Variants in SLC9A2 observed in about 807,000 individuals in gnomAD.
SLC9A2 encodes the protein solute carrier family 9 member A2.
In SLC9A2, 42 loss-of-function variants were observed where a neutral mutation model predicts 71.7. The observed-to-expected ratio is 0.59, with a 90% confidence interval of 0.46 to 0.76. The LOEUF (loss-of-function observed/expected upper bound fraction) is 0.76, where lower values mean the gene tolerates loss of function less well. Among genes scored for constraint, SLC9A2 ranks in the 30% least tolerant of loss-of-function variants. SLC9A2 has a pLI of 0.00. For missense variants in SLC9A2, 829 were observed against 1,017.4 expected (o/e 0.81, Z 2.52); for synonymous variants, 396 against 392.5 (o/e 1.01, Z -0.10).
intron 4 of SLC9A2, 68 bp from the exon 5 acceptor site, chr2:102,684,066 T>G (rs1209396781): frequency 1.8e-6 from 2 of 1,137,904 alleles, no homozygotes; most frequent in Non-Finnish European, 2.6e-6. Flanking sequence ...GCACAGAAAA[T>G]GAGTCTATGT....
chr2:102,671,356 G>A (rs1677249314), intron 3 of SLC9A2, among the ~76,000 whole-genome samples: 1 of 152,180 alleles, frequency 6.6e-6, no homozygotes, highest in African/African-American at 2.4e-5. Context: ...ACATAAATAA[G>A]CCTGGGGTGG....
At chr2:102,633,440 G>C (rs1375422687) in intron 1 of SLC9A2, among the ~76,000 whole-genome samples, 1 of 152,120 alleles carries the variant, frequency 6.6e-6, no homozygotes, top group Non-Finnish European at 1.5e-5. Flanking sequence ...TGCATTTGAG[G>C]CTCATGCTTG....
intron 5 of SLC9A2, among the ~76,000 whole-genome samples, chr2:102,690,887 A>G (rs759359080): frequency 2.7e-5 from 4 of 150,790 alleles, no homozygotes; most frequent in Non-Finnish European, 5.9e-5. Flanking sequence ...GCAAGGAAAT[A>G]TAAGTTTCTC....
intron 9 of SLC9A2, among the ~76,000 whole-genome samples, chr2:102,702,954 G>A (rs1677902496): frequency 6.6e-6 from 1 of 152,196 alleles, no homozygotes; most frequent in Non-Finnish European, 1.5e-5. Flanking sequence ...AGAGTAGAGA[G>A]TGTCCTCAAT....
intron 3 of SLC9A2, among the ~76,000 whole-genome samples, chr2:102,676,922 T>C (rs540387237): frequency 1.3e-5 from 2 of 152,362 alleles, no homozygotes; most frequent in African/African-American, 4.8e-5. Context: ...GGTGATACTT[T>C]CCTGCAATTG....
intron 3 of SLC9A2, among the ~76,000 whole-genome samples, chr2:102,676,712 ATAATT>A (rs1262567773): frequency 6.6e-6 from 1 of 152,212 alleles, no homozygotes; most frequent in Non-Finnish European, 1.5e-5. Context: ...ATGCCCTGGA[ATAATT>A]TAATTTACTT....
At chr2:102,674,684 G>T (rs1413689306) in intron 3 of SLC9A2, among the ~76,000 whole-genome samples, 4 of 152,224 alleles carry the variant, frequency 2.6e-5, no homozygotes, top group African/African-American at 9.6e-5. Context: ...AATGAAGGAA[G>T]CCAAACTCAA....
In SLC9A2 at chr2:102,641,393, C is replaced by T. The variant is rs1041025977; in HGVS notation, c.290-16171C>T. Among the ~76,000 whole-genome samples, 5 of 152,034 alleles carry T rather than the reference C, an allele frequency of 3.3e-5. No homozygotes were observed. In the East Asian group the frequency reaches 5.8e-4, roughly 18 times the overall value. On this transcript the variant is annotated intron_variant, in intron 1 of 11. Transcript: ENST00000233969. Reference sequence around the variant, plus strand: ...GGATGACAGGTCCCAGAACACATCACCCTTTCCCTCTTTTTGGATTTCATG... The same window carrying T: ...GGATGACAGGTCCCAGAACACATCATCCTTTCCCTCTTTTTGGATTTCATG...
At chr2:102,632,239 CATAT>C (rs369483748) in intron 1 of SLC9A2, among the ~76,000 whole-genome samples, 5 of 136,078 alleles carry the variant, frequency 3.7e-5, no homozygotes, top group African/African-American at 5.5e-5. Context: ...ATATATAATA[CATAT>C]ATATATATAT....
chr2:102,649,560 G>T (rs1290484429), intron 1 of SLC9A2, among the ~76,000 whole-genome samples: 1 of 152,100 alleles, frequency 6.6e-6, no homozygotes, highest in Non-Finnish European at 1.5e-5. Flanking sequence ...GAAAATTTTT[G>T]CAGTCTCTCC....
At chr2:102,673,026 CA>C (rs58430032) in intron 3 of SLC9A2, among the ~76,000 whole-genome samples, 5 of 148,374 alleles carry the variant, frequency 3.4e-5, no homozygotes, top group Non-Finnish European at 4.5e-5. Flanking sequence ...CTGATGGAGG[CA>C]AAAAAAAATC....
intron 7 of SLC9A2, among the ~76,000 whole-genome samples, chr2:102,699,949 G>A (rs1558724463): frequency 1.3e-5 from 2 of 152,036 alleles, no homozygotes; most frequent in Non-Finnish European, 2.9e-5. Flanking sequence ...CATTTTGATG[G>A]CCTCAACTTA....
chr2:102,703,344 C>T (rs1278787591), intron 9 of SLC9A2, among the ~76,000 whole-genome samples: 1 of 152,166 alleles, frequency 6.6e-6, no homozygotes, highest in Non-Finnish European at 1.5e-5. Flanking sequence ...CTGCCTCACC[C>T]ATCTGCTCCC....
At chr2:102,649,764 G>A (rs970907334) in intron 1 of SLC9A2, among the ~76,000 whole-genome samples, 5 of 151,872 alleles carry the variant, frequency 3.3e-5, no homozygotes, top group African/African-American at 9.7e-5. Flanking sequence ...TCAAAACCCC[G>A]AGATACCATC....
chr2:102,672,360 T>G (rs1677269188), intron 3 of SLC9A2, among the ~76,000 whole-genome samples: 1 of 94,328 alleles, frequency 1.1e-5, no homozygotes, highest in African/African-American at 3.8e-5. Flanking sequence ...TATTAGACAC[T>G]GTTGTTCTGT....
chr2:102,671,843 C>T (rs6715147), intron 3 of SLC9A2, among the ~76,000 whole-genome samples: 23 of 152,264 alleles, frequency 1.5e-4, no homozygotes, highest in African/African-American at 4.8e-4. Context: ...TGGTGGCTCA[C>T]GCTTGCAATC....
At chr2:102,638,305 A>G (rs1306220400) in intron 1 of SLC9A2, among the ~76,000 whole-genome samples, 5 of 152,240 alleles carry the variant, frequency 3.3e-5, no homozygotes, top group Non-Finnish European at 7.3e-5. Context: ...AATATGTTTT[A>G]TAGTCAAGTT....
intron 2 of SLC9A2, among the ~76,000 whole-genome samples, chr2:102,661,469 T>C (rs542908081): frequency 1.6e-3 from 250 of 152,334 alleles, no homozygotes; most frequent in Non-Finnish European, 2.8e-3. Flanking sequence ...TAAAATTTCA[T>C]ATGCAAAATG....
intron 1 of SLC9A2, among the ~76,000 whole-genome samples, chr2:102,653,862 G>A (rs555641034): frequency 1.3e-5 from 2 of 152,314 alleles, no homozygotes; most frequent in African/African-American, 4.8e-5. Flanking sequence ...TTACATATAG[G>A]AGGGGAAGGC....
Sources: allele counts gnomAD v4.1 joint callset (sites outside exome capture counted in the v4.1 genomes callset), GRCh38; gene constraint gnomAD v4.1.1; transcripts MANE v1.5; gene names NCBI Gene and HGNC (gene_info 2026-07-23, HGNC 2026-07-21).